Variants in NKAIN2 observed in about 807,000 individuals in gnomAD.
NKAIN2 encodes sodium/potassium-transporting ATPase subunit beta-1-interacting protein 2.
NKAIN2 carries 14 observed loss-of-function variants against 32.6 expected under a neutral mutation model. That is an observed-to-expected ratio of 0.43 (90% CI 0.28 to 0.67). The LOEUF (loss-of-function observed/expected upper bound fraction) is 0.67. Among genes scored for constraint, NKAIN2 ranks in the 30% least tolerant of loss-of-function variants. The pLI is 0.17. For synonymous variants in NKAIN2, 80 were observed against 87.2 expected, an observed-to-expected ratio of 0.92 and a Z score of 0.46; for missense variants, 198 against 258.3, an observed-to-expected ratio of 0.77 and a Z score of 1.60.
intron 4 of NKAIN2, among the ~76,000 whole-genome samples, chr6:124,674,116 A>C (rs1773242822): frequency 2.6e-5 from 4 of 151,862 alleles, no homozygotes; most frequent in Admixed American, 2.6e-4. Context: ...CTATCATCTC[A>C]CCATTGTGTA....
chr6:124,028,941 A>ACACATATATGTATATATAT (rs1582956175), intron 1 of NKAIN2, among the ~76,000 whole-genome samples: 2 of 141,534 alleles, frequency 1.4e-5, no homozygotes, highest in East Asian at 2.0e-4. Context: ...ATATATATAT[A>ACACATATATGTATATATAT]GTTTTCAAGA....
At chr6:124,492,066 A>G (rs1404871200) in intron 3 of NKAIN2, among the ~76,000 whole-genome samples, 1 of 152,000 alleles carries the variant, frequency 6.6e-6, no homozygotes, top group Non-Finnish European at 1.5e-5. Context: ...GTAAGAGAAT[A>G]AAGGTAAAAG....
intron 1 of NKAIN2, among the ~76,000 whole-genome samples, chr6:124,260,263 T>C (rs911610255): frequency 1.3e-5 from 2 of 152,064 alleles, no homozygotes; most frequent in Non-Finnish European, 2.9e-5. Flanking sequence ...TACATCCTAG[T>C]GGGGAAGATG....
At chr6:124,363,620 A>C (rs1221770387) in intron 3 of NKAIN2, among the ~76,000 whole-genome samples, 2 of 152,238 alleles carry the variant, frequency 1.3e-5, no homozygotes, top group Non-Finnish European at 2.9e-5. Context: ...TCTATAGAAT[A>C]AACTAGACTT....
intron 3 of NKAIN2, among the ~76,000 whole-genome samples, chr6:124,483,372 G>C (rs1311275050): frequency 6.6e-6 from 1 of 152,068 alleles, no homozygotes; most frequent in Non-Finnish European, 1.5e-5. Flanking sequence ...TGGGGATTGA[G>C]TCACAAAATA....
chr6:123,964,965 C>T lies in NKAIN2; in HGVS notation c.54+160711C>T, dbSNP rs972652118. 6.6e-5 allele frequency among the ~76,000 whole-genome samples: 10 copies of T among 152,092 alleles called. No homozygotes were observed. Among genetic ancestry groups the T allele is most frequent in the Admixed American group, 3.3e-4 (5 of 15,256 alleles). ...TTTAAGCCCTTGCTTAAATTGATTG[C>T]CCAGGTAAACATTTTTCCTGGATTT... On this transcript the variant is annotated intron_variant, in intron 1 of 6. Coordinates refer to ENST00000368417, the MANE Select transcript of NKAIN2 (RefSeq NM_001040214.3). The surrounding 1 kb of genome is among the most constrained non-coding windows in gnomAD (Gnocchi z 4.0).
At chr6:124,534,416 GC>G (rs1306193449) in intron 3 of NKAIN2, among the ~76,000 whole-genome samples, 1 of 152,190 alleles carries the variant, frequency 6.6e-6, no homozygotes, top group Non-Finnish European at 1.5e-5. Flanking sequence ...CTCCCAAAGT[GC>G]TGGAATTACA....
At chr6:124,021,958 A>G (rs1423826434) in intron 1 of NKAIN2, among the ~76,000 whole-genome samples, 1 of 152,140 alleles carries the variant, frequency 6.6e-6, no homozygotes, top group African/African-American at 2.4e-5. Flanking sequence ...AGTTTTTTAC[A>G]TATGTATACA....
intron 4 of NKAIN2, among the ~76,000 whole-genome samples, chr6:124,725,186 A>G (rs1562346794): frequency 6.6e-6 from 1 of 152,200 alleles, no homozygotes; most frequent in Non-Finnish European, 1.5e-5. Flanking sequence ...CATGCCCTCT[A>G]TCACACATAC....
chr6:124,813,949 C>G (rs1466188479), intron 5 of NKAIN2, among the ~76,000 whole-genome samples: 2 of 152,054 alleles, frequency 1.3e-5, no homozygotes, highest in Non-Finnish European at 2.9e-5. Context: ...TTAGAATATG[C>G]AGTAGTCTCT....
chr6:124,307,739 G>T (rs1186680908), intron 2 of NKAIN2, among the ~76,000 whole-genome samples: 5 of 152,158 alleles, frequency 3.3e-5, no homozygotes, highest in African/African-American at 1.2e-4. Context: ...TGACAGCTTT[G>T]TTGTACTTTT....
In NKAIN2 at chr6:124,417,500, ATTT is replaced by A. The variant is rs1562171188; in HGVS notation, c.273+62154_273+62156del. 3.3e-5 allele frequency among the ~76,000 whole-genome samples: 5 copies of A among 152,098 alleles called. No individual in the cohort carries two copies. The East Asian group carries it at 9.6e-4, about 29-fold the overall frequency. On this transcript the variant is annotated intron_variant, in intron 3 of 6. Coordinates refer to ENST00000368417, the MANE Select transcript of NKAIN2 (RefSeq NM_001040214.3). ...TTCTGCTAATCTTGCTTATTTATTT[ATTT>A]ATTTATTTATTAACTTTAAAGCATT...
intron 2 of NKAIN2, among the ~76,000 whole-genome samples, chr6:124,314,093 T>C (rs1035452715): frequency 2.0e-5 from 3 of 152,034 alleles, no homozygotes; most frequent in African/African-American, 7.2e-5. Flanking sequence ...GATGAAAATT[T>C]AGGGAGCACG....
At chr6:124,258,142 T>TAA (rs34430558) in intron 1 of NKAIN2, among the ~76,000 whole-genome samples, 2 of 144,698 alleles carry the variant, frequency 1.4e-5, no homozygotes, top group Admixed American at 6.9e-5. Flanking sequence ...TTTTCAAGAT[T>TAA]AAAAAAAAAA....
At chr6:123,966,242 G>C (rs1011447823) in intron 1 of NKAIN2, among the ~76,000 whole-genome samples, 12 of 152,130 alleles carry the variant, frequency 7.9e-5, no homozygotes, top group Admixed American at 1.3e-4. Flanking sequence ...ATACTCTTCT[G>C]CTTTTCCATT....
intron 1 of NKAIN2, among the ~76,000 whole-genome samples, chr6:124,280,711 C>T (rs1795250850): frequency 6.6e-6 from 1 of 152,188 alleles, no homozygotes. Flanking sequence ...AGTTAATAGT[C>T]TTCCTGTGGG....
chr6:124,710,926 C>T (rs1316366459), intron 4 of NKAIN2, among the ~76,000 whole-genome samples: 2 of 151,116 alleles, frequency 1.3e-5, no homozygotes, highest in African/African-American at 2.4e-5. Flanking sequence ...TTCCTAGTCT[C>T]GATGGTCTTT....
chr6:124,133,441 G>C (rs866935779), intron 1 of NKAIN2, among the ~76,000 whole-genome samples: 1 of 151,990 alleles, frequency 6.6e-6, no homozygotes, highest in Middle Eastern at 3.2e-3. Flanking sequence ...ACATCTAATT[G>C]AGAGCTCCCC....
intron 1 of NKAIN2, among the ~76,000 whole-genome samples, chr6:123,828,614 T>C (rs1373928649): frequency 6.6e-6 from 1 of 152,150 alleles, no homozygotes; most frequent in African/African-American, 2.4e-5. Flanking sequence ...GAGGCCAAAA[T>C]CCTTCATATA....
Sources: allele counts gnomAD v4.1 joint callset (sites outside exome capture counted in the v4.1 genomes callset), GRCh38; gene constraint gnomAD v4.1.1; non-coding constraint Gnocchi (gnomAD v3.1); transcripts MANE v1.5; gene names NCBI Gene and HGNC (gene_info 2026-07-23, HGNC 2026-07-21).